NFIA: variants seen among roughly 807,000 people sequenced by gnomAD.
NFIA encodes nuclear factor I A.
In NFIA, 8 loss-of-function variants were observed where a neutral mutation model predicts 62.8. The ratio of observed to expected loss-of-function variants is 0.13; its 90% confidence interval spans 0.07 to 0.23. The LOEUF is 0.23. Among genes scored for constraint, NFIA ranks in the 10% least tolerant of loss-of-function variants. The pLI is 1.00. For synonymous variants in NFIA, 235 were observed against 238.1 expected (o/e 0.99, Z 0.12); for missense variants, 410 against 642.1 (o/e 0.64, Z 3.91).
chr1:61,403,996 T>TA, intron 7 of NFIA, 108 bp from the exon 8 acceptor site: 1 of 1,270,160 alleles, frequency 7.9e-7, no homozygotes, highest in Non-Finnish European at 1.1e-6. Context: ...ACATGAGCAA[T>TA]ATTGTGAATC....
chr1:61,191,712 C>G (rs895552321), intron 2 of NFIA, among the ~76,000 whole-genome samples: 2 of 152,150 alleles, frequency 1.3e-5, no homozygotes, highest in Non-Finnish European at 2.9e-5. Context: ...TCTTCCCCTC[C>G]CCTACCCTAC....
At chr1:61,320,072 A>G (rs1008377695) in intron 3 of NFIA, among the ~76,000 whole-genome samples, 2 of 151,530 alleles carry the variant, frequency 1.3e-5, no homozygotes, top group Non-Finnish European at 2.9e-5. Context: ...GTTGTCAAAT[A>G]TTGGCCCTTT....
chr1:61,383,127 G>T, intron 6 of NFIA, 110 bp from the exon 7 acceptor site: 1 of 1,355,696 alleles, frequency 7.4e-7, no homozygotes. Context: ...TCATTCACAG[G>T]TGGATTTCTC....
chr1:61,261,568 G>A (rs1389119658), intron 2 of NFIA, among the ~76,000 whole-genome samples: 1 of 152,126 alleles, frequency 6.6e-6, no homozygotes, highest in African/African-American at 2.4e-5. Context: ...ACTTCCAATG[G>A]ATTTATCAGG....
chr1:61,379,909 A>C (rs1461737788), intron 6 of NFIA, among the ~76,000 whole-genome samples: 1 of 152,078 alleles, frequency 6.6e-6, no homozygotes, highest in South Asian at 2.1e-4. Flanking sequence ...AGTGCATTTG[A>C]CCTGTATTTT....
At position 61,319,827 on chromosome 1, in the gene NFIA, A is replaced by G. The variant is rs138301641; in HGVS notation, c.626-12685A>G. 2.2e-3 allele frequency among the ~76,000 whole-genome samples: 267 copies of G among 121,346 alleles called. 3 individuals carry two copies. The highest frequency in any genetic ancestry group is 3.9e-3 in the Non-Finnish European group (212 of 54,938). 79.6% of individuals were successfully genotyped at this position (121,346 alleles called of 152,430 possible). Reference sequence around the variant, plus strand: ...CACACACACACACACACACACACACACACACACACCAACTTTCATGATCAC... The same window carrying G: ...CACACACACACACACACACACACACGCACACACACCAACTTTCATGATCAC... On this transcript the variant is annotated intron_variant, in intron 3 of 10. Transcript: ENST00000403491.
At chr1:61,106,290 A>G (rs12409737) in intron 2 of NFIA, among the ~76,000 whole-genome samples, 11,602 of 151,892 alleles carry the variant, frequency 0.076, 449 homozygotes, top group East Asian at 0.097. Context: ...TAAACCAGAC[A>G]TAAACAGGAC....
chr1:61,172,350 G>A (rs143444162), intron 2 of NFIA, among the ~76,000 whole-genome samples: 31 of 152,274 alleles, frequency 2.0e-4, no homozygotes, highest in African/African-American at 7.2e-4. Context: ...TGACATGAAG[G>A]TTGGATGTAT....
intron 2 of NFIA, among the ~76,000 whole-genome samples, chr1:61,121,419 G>A (rs544101394): frequency 7.9e-5 from 12 of 152,150 alleles, no homozygotes; most frequent in Admixed American, 2.6e-4. Context: ...AGTAAAATGC[G>A]TGCACAGGAA....
intron 3 of NFIA, among the ~76,000 whole-genome samples, chr1:61,285,131 T>C (rs186077753): frequency 1.3e-5 from 2 of 152,216 alleles, no homozygotes; most frequent in Non-Finnish European, 2.9e-5. Flanking sequence ...GGTGTTTGGC[T>C]ACAGCTCCAT....
At position 61,417,299 on chromosome 1, in the gene NFIA, A is replaced by T. The variant is rs1331172947; in HGVS notation, c.1421-9166A>T. 2.7e-5 allele frequency among the ~76,000 whole-genome samples: 4 copies of T among 147,622 alleles called. No individual in the cohort carries two copies. The East Asian group carries it at 8.0e-4, about 30-fold the overall frequency. ...TGTGTGTGTGTGTGTGTATACACATATAAGATGATTGTGACCATACTGAAT... is the reference window on the plus strand; with the variant it reads ...TGTGTGTGTGTGTGTGTATACACATTTAAGATGATTGTGACCATACTGAAT... On this transcript the variant is annotated intron_variant, in intron 9 of 10. Coordinates refer to ENST00000403491, the MANE Select transcript of NFIA (RefSeq NM_001134673.4).
chr1:61,212,865 C>T (rs919243311), intron 2 of NFIA, among the ~76,000 whole-genome samples: 1 of 152,182 alleles, frequency 6.6e-6, no homozygotes, highest in African/African-American at 2.4e-5. Context: ...TACTTATTTT[C>T]AATTTGGCAG....
At chr1:61,428,821 T>G (rs1360132519) in intron 10 of NFIA, among the ~76,000 whole-genome samples, 2 of 152,200 alleles carry the variant, frequency 1.3e-5, no homozygotes, top group African/African-American at 4.8e-5. Flanking sequence ...TTTTTCTATA[T>G]TGATACCCTT....
intron 2 of NFIA, among the ~76,000 whole-genome samples, chr1:61,237,509 GT>G (rs1655079597): frequency 6.6e-6 from 1 of 152,182 alleles, no homozygotes. Flanking sequence ...AAAACAAATA[GT>G]GTTTTCATCA....
At chr1:61,206,432 T>C (rs1027911001) in intron 2 of NFIA, among the ~76,000 whole-genome samples, 3 of 152,164 alleles carry the variant, frequency 2.0e-5, no homozygotes, top group Admixed American at 1.3e-4. Context: ...GTTTTCAGAT[T>C]AGACCAATTT....
At chr1:61,360,337 GC>G (rs1347352647) in intron 6 of NFIA, among the ~76,000 whole-genome samples, 1 of 152,234 alleles carries the variant, frequency 6.6e-6, no homozygotes, top group African/African-American at 2.4e-5. Context: ...TAGAGTATGT[GC>G]CTTGAAATCA....
intron 9 of NFIA, among the ~76,000 whole-genome samples, chr1:61,408,910 TA>T (rs1378146316): frequency 1.3e-5 from 2 of 152,206 alleles, no homozygotes; most frequent in African/African-American, 2.4e-5. Flanking sequence ...CAGGCTTGGG[TA>T]ATGGTAAAAT....
chr1:61,342,920 A>G (rs1662007251), intron 4 of NFIA, among the ~76,000 whole-genome samples: 1 of 152,264 alleles, frequency 6.6e-6, no homozygotes, highest in African/African-American at 2.4e-5. Flanking sequence ...CTAAATGAGA[A>G]TAATATAAAT....
chr1:61,336,399 T>C (rs1661610140), intron 4 of NFIA, among the ~76,000 whole-genome samples: 2 of 152,170 alleles, frequency 1.3e-5, no homozygotes, highest in Non-Finnish European at 2.9e-5. Flanking sequence ...GGTTTACAGT[T>C]TTAGGTTAAC....
Sources: gnomAD v4.1 joint callset for allele counts (sites outside exome capture counted in the v4.1 genomes callset) on GRCh38, gnomAD v4.1.1 for gene constraint, MANE v1.5 for transcripts, NCBI Gene and HGNC (gene_info 2026-07-23, HGNC 2026-07-21) for gene names.